Variants in WHRN observed in about 807,000 individuals in gnomAD.
The protein encoded by WHRN is whirlin.
Under a neutral mutation model 68.3 loss-of-function variants are expected in WHRN, and 41 were observed. The ratio of observed to expected loss-of-function variants is 0.60; its 90% CI spans 0.47 to 0.78. The LOEUF (loss-of-function observed/expected upper bound fraction) is 0.78. WHRN is among the 30% of genes least tolerant of loss of function. The pLI is 0.00. For synonymous variants in WHRN, 560 were observed against 561.3 expected, an observed-to-expected ratio of 1.00 and a Z score of 0.03; for missense variants, 1,243 against 1,244.7, an observed-to-expected ratio of 1.00 and a Z score of 0.02.
chr9:114,409,753 C>T (rs562787498), intron 7 of WHRN, among the ~76,000 whole-genome samples: 3 of 151,900 alleles, frequency 2.0e-5, no homozygotes, highest in Admixed American at 6.6e-5. Flanking sequence ...ACCTCCAAAA[C>T]CTAACCCACC....
intron 3 of WHRN, among the ~76,000 whole-genome samples, chr9:114,427,771 C>T (rs552288633): frequency 7.0e-6 from 1 of 142,728 alleles, no homozygotes; most frequent in Non-Finnish European, 1.5e-5. Context: ...CTCCTCTGCA[C>T]CGGCTTTGAC....
At chr9:114,464,474 G>A (rs962160650) in intron 3 of WHRN, among the ~76,000 whole-genome samples, 3 of 152,126 alleles carry the variant, frequency 2.0e-5, no homozygotes, top group African/African-American at 7.2e-5. Context: ...ATGGTGGAAG[G>A]GGCGAGGCAG....
chr9:114,466,393 CT>C lies in WHRN; in HGVS notation c.838-2del, dbSNP rs1195718480. The C allele has an allele frequency of 6.2e-7, 1 of 1,614,032 alleles. No individual in the cohort carries two copies. ...GGCCGTCCCCCAGCACCAGGTTCAC[CT>C]GTCAGAGGGAGAGGATAACATTAGA... On this transcript the variant is annotated splice_acceptor_variant, in intron 2 of 11. Transcript: ENST00000362057. LOFTEE classifies it high-confidence loss of function.
intron 2 of WHRN, among the ~76,000 whole-genome samples, chr9:114,476,115 C>A (rs10817619): frequency 0.1 from 15,426 of 152,114 alleles, 1,009 homozygotes; most frequent in East Asian, 0.34. Context: ...CAGACACATG[C>A]CATCATACCC....
At chr9:114,444,699 A>T (rs867711768) in intron 3 of WHRN, among the ~76,000 whole-genome samples, 25 of 152,066 alleles carry the variant, frequency 1.6e-4, no homozygotes, top group South Asian at 4.2e-4. Flanking sequence ...AAAAAGCAAA[A>T]ATGGAATTAC....
chr9:114,486,951 GTGTGTGTGTATATATATATA>G lies in WHRN; in HGVS notation c.619-8200_619-8181del, dbSNP rs1263219487. Among the ~76,000 whole-genome samples the G allele has an allele frequency of 1.9e-3, 173 of 90,274 alleles. 7 individuals carry two copies. The highest frequency in any genetic ancestry group is 8.5e-3 in the African/African-American group (165 of 19,524). 59.2% of individuals were successfully genotyped at this position (90,274 alleles called of 152,430 possible). On this transcript the variant is annotated intron_variant, in intron 1 of 11. Coordinates refer to ENST00000362057, the MANE Select transcript of WHRN (RefSeq NM_015404.4). Reference sequence around the variant, plus strand: ...GAGTGTGTGTGTGTGTTGTGTGTGTGTGTGTGTGTATATATATATATATATATATATATATATATATATAT... The same window carrying G: ...GAGTGTGTGTGTGTGTTGTGTGTGTGTATATATATATATATATATATATAT...
rs768234466 is a variant in WHRN at position 114,403,939 on chromosome 9, T to A, written c.2375A>T (p.Glu792Val). The change falls in exon 10 of 12, where the codon GAG (glutamate) becomes GTG (valine). Residue 792 changes from glutamate to valine, a missense_variant. Transcript: ENST00000362057. ...TGTGGGCCTCTCGTTCCGAGGCAGC[T>A]CCTTGCTACTCCTGCTCTTGGTGGA... ...SVSTKSRSSK[E>V]LPRNERPTDG... 3.1e-6 allele frequency: 5 copies of A among 1,611,094 alleles called. No homozygotes were observed. The highest frequency in any genetic ancestry group is 2.7e-5 in the African/African-American group (2 of 74,912).
chr9:114,476,406 T>G (rs1841653835), intron 2 of WHRN, among the ~76,000 whole-genome samples: 1 of 151,946 alleles, frequency 6.6e-6, no homozygotes, highest in Non-Finnish European at 1.5e-5. Flanking sequence ...TGCTTGGGAT[T>G]TTCAGTCCCC....
chr9:114,470,121 G>C (rs1292083247), intron 2 of WHRN, among the ~76,000 whole-genome samples: 3 of 152,186 alleles, frequency 2.0e-5, no homozygotes, highest in Non-Finnish European at 4.4e-5. Context: ...CCACTCACAG[G>C]TTCCAGGGAG....
rs76091620 is a variant in WHRN at position 114,446,831 on chromosome 9, C to T, written c.963+19436G>A. On this transcript the variant is annotated intron_variant, in intron 3 of 11. Coordinates refer to ENST00000362057, the MANE Select transcript of WHRN (RefSeq NM_015404.4). ...CTCACTCCTAGTGCCACGTGCATCCCTAGGTGCGTCTAGCCAGCCAGGAGC... is the reference window on the plus strand; with the variant it reads ...CTCACTCCTAGTGCCACGTGCATCCTTAGGTGCGTCTAGCCAGCCAGGAGC... Among the ~76,000 whole-genome samples, 11 of 152,214 alleles carry T rather than the reference C, an allele frequency of 7.2e-5. 1 individual carries two copies. In the East Asian group the frequency reaches 2.1e-3, roughly 29 times the overall value.
chr9:114,406,233 A>G, intron 9 of WHRN, 122 bp downstream of exon 9: 1 of 1,398,720 alleles, frequency 7.1e-7, no homozygotes, highest in Non-Finnish European at 1.0e-6. Context: ...TCCCTTCGCC[A>G]CTCTGGCCCT....
rs1352369232 is a variant in WHRN, at chr9:114,413,447, T to C, written c.1627-5429A>G. Among the ~76,000 whole-genome samples, 5 of 152,138 alleles carry C rather than the reference T, an allele frequency of 3.3e-5. No individual in the cohort carries two copies. The East Asian group carries it at 9.7e-4, about 29-fold the overall frequency. On this transcript the variant is annotated intron_variant, in intron 7 of 11. Transcript: ENST00000362057. ...GAGAGCCAGGAAGTCCTGGCATTCC[T>C]GGGGGGCAGTGGGGCTCCCCAGAGT...
chr9:114,499,828 C>G (rs963651151), intron 1 of WHRN, among the ~76,000 whole-genome samples: 9 of 152,318 alleles, frequency 5.9e-5, no homozygotes, highest in Admixed American at 5.9e-4. Flanking sequence ...CTCCAACCAA[C>G]TGATGAATTG....
intron 1 of WHRN, among the ~76,000 whole-genome samples, chr9:114,489,825 A>C (rs1295178372): frequency 6.6e-6 from 1 of 152,186 alleles, no homozygotes; most frequent in Non-Finnish European, 1.5e-5. Context: ...ATGCTTGGGC[A>C]ATCATTCTGC....
chr9:114,425,190 A>G (rs1836713551), intron 4 of WHRN, 166 bp from the exon 5 acceptor site: 3 of 766,670 alleles, frequency 3.9e-6, no homozygotes, highest in Admixed American at 3.9e-5. Context: ...GGGGTAAAGG[A>G]AACTCCGGAC....
intron 3 of WHRN, among the ~76,000 whole-genome samples, chr9:114,454,375 T>C (rs1027516220): frequency 1.3e-5 from 2 of 152,070 alleles, no homozygotes; most frequent in African/African-American, 2.4e-5. Context: ...CCAGAACTAA[T>C]AAATGAGTTT....
intron 2 of WHRN, among the ~76,000 whole-genome samples, chr9:114,475,809 A>C (rs959773960): frequency 2.6e-5 from 4 of 151,968 alleles, no homozygotes; most frequent in African/African-American, 9.7e-5. Context: ...GGGTTTCCAC[A>C]CTGTGTCAGG....
intron 1 of WHRN, among the ~76,000 whole-genome samples, chr9:114,501,839 C>T (rs764485863): frequency 1.6e-4 from 25 of 152,192 alleles, no homozygotes; most frequent in Non-Finnish European, 3.2e-4. Flanking sequence ...TTACAAAGAA[C>T]GGCTCCCCGT....
chr9:114,499,353 T>C (rs1177429960), intron 1 of WHRN, among the ~76,000 whole-genome samples: 2 of 152,224 alleles, frequency 1.3e-5, no homozygotes, highest in African/African-American at 2.4e-5. Flanking sequence ...AGTTCAGAGT[T>C]AATATCAGAT....
Sources: allele counts gnomAD v4.1 joint callset (sites outside exome capture counted in the v4.1 genomes callset), GRCh38; gene constraint gnomAD v4.1.1; transcripts MANE v1.5; gene names NCBI Gene and HGNC (gene_info 2026-07-23, HGNC 2026-07-21).